Variants in FRMD4A observed in about 807,000 individuals in gnomAD.
The protein encoded by FRMD4A is FERM domain containing 4A.
FRMD4A carries 29 observed loss-of-function variants against 129.1 expected under a neutral mutation model. The observed-to-expected ratio is 0.22, with a 90% confidence interval of 0.17 to 0.31. The LOEUF is 0.31. Among genes scored for constraint, FRMD4A ranks in the 10% least tolerant of loss-of-function variants. The probability of loss-of-function intolerance (pLI) is 1.00; values close to 1 mark genes in which losing one functional copy is unlikely to be tolerated. For missense variants in FRMD4A, 1,272 were observed against 1,375.8 expected (o/e 0.92, Z 1.19); for synonymous variants, 634 against 571.6 (o/e 1.11, Z -1.56).
Position 13,657,338 on chromosome 10 carries a change from T to C in FRMD4A, c.2251A>G (p.Thr751Ala). ...SDPMDDCSSCTSHSSSEHYYP... is the reference protein window; with the variant it reads ...SDPMDDCSSCASHSSSEHYYP... ...TAGTGCTCCGAGCTCGAGTGGCTGG[T>C]GCACGACGAGCAGTCGTCCATGGGG... The change falls in exon 22 of 25, where the codon ACC becomes GCC. Residue 751 changes from threonine to alanine, a missense_variant. Around this residue, in one of 2 missense-constraint regions of FRMD4A, gnomAD observed 972 missense variants for 892.3 expected, o/e 1.09. Coordinates refer to ENST00000357447, the MANE Select transcript of FRMD4A (RefSeq NM_018027.5). 1 of 1,568,900 alleles carries C rather than the reference T, an allele frequency of 6.4e-7. No individual in the cohort carries two copies. Among genetic ancestry groups the C allele is most frequent in the Non-Finnish European group, 8.6e-7 (1 of 1,162,786 alleles).
intron 2 of FRMD4A, among the ~76,000 whole-genome samples, chr10:14,253,836 G>A (rs1451544787): frequency 6.6e-6 from 1 of 152,220 alleles, no homozygotes; most frequent in Non-Finnish European, 1.5e-5. Flanking sequence ...CGCTGAGACA[G>A]CAAGAATCTT....
chr10:14,291,992 T>C (rs1845863223), intron 2 of FRMD4A, among the ~76,000 whole-genome samples: 1 of 152,114 alleles, frequency 6.6e-6, no homozygotes, highest in African/African-American at 2.4e-5. Flanking sequence ...TAGGAATAAA[T>C]CTAAGTACAT....
chr10:13,834,885 C>T (rs368669790), intron 3 of FRMD4A, among the ~76,000 whole-genome samples: 2 of 152,162 alleles, frequency 1.3e-5, no homozygotes, highest in Admixed American at 1.3e-4. Flanking sequence ...TTCTTACCTC[C>T]GAAATTCTTC....
In FRMD4A at chr10:14,033,066, G is replaced by C. The variant is rs549714498; in HGVS notation, c.46-174154C>G. On this transcript the variant is annotated intron_variant, in intron 2 of 24. Coordinates refer to ENST00000357447, the MANE Select transcript of FRMD4A (RefSeq NM_018027.5). The stretch of plus-strand genomic sequence containing the variant: ...TCACGCCTATAATCCCAGCACTTTG[G>C]GATGCTGAGGTGGGCGGATCACCTG... Among the ~76,000 whole-genome samples, 3 of 152,216 alleles carry C rather than the reference G, an allele frequency of 2.0e-5. No individual in the cohort carries two copies. The East Asian group carries it at 5.8e-4, about 30-fold the overall frequency.
At chr10:13,914,873 G>T (rs1020230062) in intron 2 of FRMD4A, among the ~76,000 whole-genome samples, 3 of 152,084 alleles carry the variant, frequency 2.0e-5, no homozygotes, top group African/African-American at 7.2e-5. Flanking sequence ...AAAAATTTGC[G>T]CATGGCAGCG....
chr10:13,921,042 T>C (rs1464514761), intron 2 of FRMD4A, among the ~76,000 whole-genome samples: 1 of 152,194 alleles, frequency 6.6e-6, no homozygotes, highest in East Asian at 1.9e-4. Context: ...CTATTATGAA[T>C]AATAGCAATT....
chr10:13,824,714 G>C (rs2130917499), intron 3 of FRMD4A, among the ~76,000 whole-genome samples: 1 of 151,866 alleles, frequency 6.6e-6, no homozygotes, highest in East Asian at 1.9e-4. Context: ...CCAAAATGGG[G>C]AAACCCCGTC....
At chr10:13,787,225 C>T (rs2092887379) in intron 5 of FRMD4A, among the ~76,000 whole-genome samples, 2 of 152,196 alleles carry the variant, frequency 1.3e-5, no homozygotes, top group South Asian at 4.1e-4. Flanking sequence ...CTGGAAAACC[C>T]CGTGAGCTCC....
At chr10:14,044,885 G>A (rs190363613) in intron 2 of FRMD4A, among the ~76,000 whole-genome samples, 102 of 152,238 alleles carry the variant, frequency 6.7e-4, no homozygotes, top group African/African-American at 2.4e-3. Context: ...TGAATTCAGC[G>A]ATACCTTTGC....
chr10:13,699,601 C>T (rs2086608049), intron 14 of FRMD4A, among the ~76,000 whole-genome samples: 1 of 152,206 alleles, frequency 6.6e-6, no homozygotes, highest in South Asian at 2.1e-4. Context: ...GCGAGATACA[C>T]CTTTTCCTCT....
At chr10:14,154,836 G>C (rs1840518802) in intron 2 of FRMD4A, among the ~76,000 whole-genome samples, 1 of 152,182 alleles carries the variant, frequency 6.6e-6, no homozygotes, top group African/African-American at 2.4e-5. Context: ...GAGGCCCTTA[G>C]CTTACATTTG....
chr10:14,096,144 TG>T (rs1836947619), intron 2 of FRMD4A, among the ~76,000 whole-genome samples: 1 of 152,222 alleles, frequency 6.6e-6, no homozygotes, highest in African/African-American at 2.4e-5. Flanking sequence ...CTTTCGGGGC[TG>T]ATTAGATCAT....
At chr10:14,034,832 G>C (rs948012112) in intron 2 of FRMD4A, among the ~76,000 whole-genome samples, 2 of 152,132 alleles carry the variant, frequency 1.3e-5, no homozygotes, top group Non-Finnish European at 2.9e-5. Flanking sequence ...CCCCTCATTG[G>C]CTTTCTAATA....
chr10:14,205,028 G>A lies in FRMD4A; in HGVS notation c.45+125030C>T, dbSNP rs911354988. Among the ~76,000 whole-genome samples the A allele has an allele frequency of 3.4e-5, 5 of 148,450 alleles. No individual in the cohort carries two copies. The East Asian group carries it at 1.0e-3, about 30-fold the overall frequency. ...TCTGCCTTAACCCTTCCTTACCAAA[G>A]TTCTGCCTGATCATCTTTTTTTTCT... On this transcript the variant is annotated intron_variant, in intron 2 of 24. Transcript: ENST00000357447.
At chr10:13,973,016 C>A (rs1447827764) in intron 2 of FRMD4A, among the ~76,000 whole-genome samples, 3 of 152,186 alleles carry the variant, frequency 2.0e-5, no homozygotes, top group Non-Finnish European at 4.4e-5. Context: ...TCCTTTGTAA[C>A]CTCAGTTTGA....
At chr10:13,647,427 G>A (rs1043640197) in intron 24 of FRMD4A, 1 of 152,222 alleles carries the variant, frequency 6.6e-6, no homozygotes, top group Non-Finnish European at 1.5e-5. Flanking sequence ...ATTCTCAGAT[G>A]CAGCCAAAGC....
At chr10:13,695,079 G>C (rs1367011780) in intron 14 of FRMD4A, among the ~76,000 whole-genome samples, 1 of 152,054 alleles carries the variant, frequency 6.6e-6, no homozygotes, top group Non-Finnish European at 1.5e-5. Flanking sequence ...GTCACAGCAG[G>C]TAAGAATAAT....
intron 2 of FRMD4A, chr10:13,891,755 C>T: frequency 1.0e-6 from 1 of 982,822 alleles, no homozygotes; most frequent in Non-Finnish European, 1.2e-6. Flanking sequence ...CCGCAGCTGG[C>T]GAGCCCCCGC....
chr10:13,870,343 T>C (rs2094425131), intron 2 of FRMD4A, among the ~76,000 whole-genome samples: 1 of 152,260 alleles, frequency 6.6e-6, no homozygotes, highest in African/African-American at 2.4e-5. Flanking sequence ...TTTTTTCAAA[T>C]ACTCTCCTTC....
Sources: gnomAD v4.1 joint callset for allele counts (sites outside exome capture counted in the v4.1 genomes callset) on GRCh38, gnomAD v4.1.1 for gene constraint, gnomAD v4.1.1 regional missense constraint, MANE v1.5 for transcripts, NCBI Gene and HGNC (gene_info 2026-07-23, HGNC 2026-07-21) for gene names.